Variants in CILP2 observed in about 807,000 individuals in gnomAD.
The protein encoded by CILP2 is cartilage intermediate layer protein 2, also known as CILP-2.
A neutral mutation model predicts 45.6 loss-of-function variants in CILP2; 38 were observed. The observed-to-expected ratio is 0.83, with a 90% confidence interval of 0.64 to 1.09. CILP2 has a LOEUF of 1.09. Ranked by LOEUF, CILP2 falls within the 50% of genes least tolerant of loss-of-function variation. CILP2 has a pLI of 0.00. For missense variants in CILP2, 1,735 were observed against 1,662.2 expected (o/e 1.04, Z -0.76); for synonymous variants, 780 against 723.5 (o/e 1.08, Z -1.25).
At position 19,539,730 on chromosome 19, in the gene CILP2, G is replaced by T. The variant is rs774966314; in HGVS notation, c.116G>T (p.Arg39Leu). ...PMATALGLER[R>L]SVYTGQPSPA... ...GCGACTGCACTGGGCCTGGAAAGAC[G>T]GTCCGTGTACACCGGCCAGCCCTCA... The change falls in exon 2 of 8, where the codon CGG (arginine) becomes CTG (leucine). Residue 39 changes from arginine to leucine, a missense_variant. By Grantham distance (102) the Arg-to-Leu change is moderately radical. Transcript: ENST00000291495. The T allele has an allele frequency of 6.2e-7, 1 of 1,607,152 alleles. No homozygotes were observed. Among genetic ancestry groups the T allele is most frequent in the South Asian group, 1.1e-5 (1 of 90,470 alleles).
chr19:19,540,157 G>A (rs2061238109), intron 2 of CILP2, 47 bp from the exon 3 acceptor site: 1 of 1,497,094 alleles, frequency 6.7e-7, no homozygotes. Flanking sequence ...GCATGCATGG[G>A]GGCCTACAGG....
chr19:19,546,048 TC>T lies in CILP2; in HGVS notation c.*34del. On this transcript the variant is annotated 3_prime_UTR_variant, in exon 8 of 8. Coordinates refer to ENST00000291495, the MANE Select transcript of CILP2 (RefSeq NM_153221.2). ...CAGGGGCCTCGCTTTCCCACCTCCC[TC>T]CAGACTCCTTTGACCCCAGGAAGTT... is the stretch of plus-strand genomic sequence containing the variant. The T allele has an allele frequency of 7.0e-7, 1 of 1,419,230 alleles. No individual in the cohort carries two copies. The highest frequency in any genetic ancestry group is 9.2e-7 in the Non-Finnish European group (1 of 1,088,770). The allele number at this position is 1,419,230 out of a possible 1,614,324, so 87.9% of individuals were successfully genotyped here.
At chr19:19,540,074 G>A in intron 2 of CILP2, 130 bp from the exon 3 acceptor site, 1 of 1,273,396 alleles carries the variant, frequency 7.9e-7, no homozygotes, top group Non-Finnish European at 1.0e-6. Context: ...CCGCTGGCTC[G>A]GGTCGTGGGC....
chr19:19,540,066 G>A (rs1017492262), intron 2 of CILP2, 138 bp from the exon 3 acceptor site: 96 of 1,217,770 alleles, frequency 7.9e-5, no homozygotes, highest in East Asian at 3.4e-4. Flanking sequence ...GTTTCAGGCC[G>A]CTGGCTCGGG....
Position 19,543,738 on chromosome 19 carries a change from AG to A in CILP2, c.1195del (p.Asp399ThrfsTer59). 1 of 1,612,848 alleles carries A rather than the reference AG, an allele frequency of 6.2e-7. No homozygotes were observed. Among genetic ancestry groups the A allele is most frequent in the African/African-American group, 1.3e-5 (1 of 75,014 alleles). ...CGAGAGTACCTGATCAAGCTCCCTG[AG>A]GACTGTGGTCAGCCAGGTAGTGGCC... ...RPREYLIKLP[E>X]DCGQPGSGPA... On this transcript the variant is annotated frameshift_variant, in exon 8 of 8. Transcript: ENST00000291495. LOFTEE classifies it low-confidence loss of function (END_TRUNC).
intron 3 of CILP2, 129 bp downstream of exon 3, chr19:19,540,605 C>G: frequency 9.2e-7 from 1 of 1,087,232 alleles, no homozygotes; most frequent in Non-Finnish European, 1.2e-6. Context: ...TGGGAAGAGC[C>G]GGGGGACCCT....
Position 19,542,473 on chromosome 19 carries a change from C to A in CILP2, c.691C>A (p.Arg231=), listed in dbSNP as rs1272843397. 8 of 1,613,390 alleles carry A rather than the reference C, an allele frequency of 5.0e-6. No individual in the cohort carries two copies. The highest frequency in any genetic ancestry group is 1.3e-5 in the African/African-American group (1 of 75,052). Residue 231 remains arginine, a synonymous_variant, in exon 5 of 8, where the codon CGA becomes AGA. Transcript: ENST00000291495. ...QPLLGARVSL[R]DQPGTVATSD... ...ACTGCTAGGAGCCAGGGTCTCCCTG[C>A]GAGACCAGCCTGGCACTGTGGCCAC... is the stretch of plus-strand genomic sequence containing the variant.
chr19:19,543,615 TC>T, intron 7 of CILP2, 65 bp from the exon 8 acceptor site: 1 of 1,481,312 alleles, frequency 6.8e-7, no homozygotes, highest in South Asian at 1.3e-5. Flanking sequence ...GCAGACAGAG[TC>T]CCCAGCCTTG....
At chr19:19,539,579 A>AAAGG (rs1166148035) in intron 1 of CILP2, 100 bp from the exon 2 acceptor site, 3 of 652,896 alleles carry the variant, frequency 4.6e-6, no homozygotes, top group Non-Finnish European at 6.9e-6. Flanking sequence ...AAAAAAAAAA[A>AAAGG]AGGGGGGGGA....
Position 19,545,060 on chromosome 19 carries a change from C to T in CILP2, c.2515C>T (p.Leu839=). 6.2e-7 allele frequency: 1 copy of T among 1,609,338 alleles called. No individual in the cohort carries two copies. The highest frequency in any genetic ancestry group is 1.1e-5 in the South Asian group (1 of 90,834). ...CACCGTGGGCGTCACCCAGCCCTAC[C>T]TGGACAGGCTGGGGTACCGTCGGAC... The part of the protein sequence containing the change: ...PATVGVTQPY[L]DRLGYRRTDH... The change falls in exon 8 of 8, where the codon CTG becomes TTG. Residue 839 remains leucine (L), a synonymous_variant. Transcript: ENST00000291495.
Position 19,544,759 on chromosome 19 carries a change from C to T in CILP2, c.2214C>T (p.Phe738=), listed in dbSNP as rs775866709. Residue 738 remains phenylalanine (F), a synonymous_variant, in exon 8 of 8, where the codon TTC becomes TTT. Transcript: ENST00000291495. ...ACGTGCCTGAGCGCCGCCGCTGCTT[C>T]GTGAAGGTGCGCGCCTACGCCAACG... ...NLDVPERRRC[F]VKVRAYANDK... 1.2e-6 allele frequency: 2 copies of T among 1,606,696 alleles called. No individual in the cohort carries two copies. The highest frequency in any genetic ancestry group is 2.2e-5 in the East Asian group (1 of 44,856).
intron 3 of CILP2, chr19:19,540,806 G>A (rs1186297371): frequency 2.3e-6 from 1 of 432,164 alleles, no homozygotes; most frequent in African/African-American, 2.1e-5. Context: ...GTTCTGTGGA[G>A]TGTCTTGAGC....
chr19:19,538,860 C>A (rs1368147984), intron 1 of CILP2, among the ~76,000 whole-genome samples: 1 of 152,248 alleles, frequency 6.6e-6, no homozygotes, highest in Non-Finnish European at 1.5e-5. Flanking sequence ...GACCTCATCA[C>A]TCTGCTGGGA....
Position 19,545,030 on chromosome 19 carries a change from C to G in CILP2, c.2485C>G (p.Pro829Ala). Reference protein sequence around the residue: ...EPAPSLPRPLPATVGVTQPYL... With the variant: ...EPAPSLPRPLAATVGVTQPYL... ...GGCCCCTTCCTTGCCCCGCCCACTC[C>G]CGGCCACCGTGGGCGTCACCCAGCC... The change falls in exon 8 of 8, where the codon CCG becomes GCG. Residue 829 changes from proline (P) to alanine (A), a missense_variant. Transcript: ENST00000291495. 6.2e-7 allele frequency: 1 copy of G among 1,606,870 alleles called. No individual in the cohort carries two copies. Among genetic ancestry groups the G allele is most frequent in the Non-Finnish European group, 8.5e-7 (1 of 1,178,850 alleles).
rs2061253110 is a variant in CILP2 at position 19,543,862 on chromosome 19, T to C, written c.1317T>C (p.Ser439=). The C allele has an allele frequency of 6.2e-7, 1 of 1,613,794 alleles. No homozygotes were observed. The highest frequency in any genetic ancestry group is 8.5e-7 in the Non-Finnish European group (1 of 1,179,878). Reference sequence around the variant, plus strand: ...GGGACGCCAGCTCCCGCTGCTGCTCTGTGCGCCGTCTGGAGAGAAGGGAGA... The same window carrying C: ...GGGACGCCAGCTCCCGCTGCTGCTCCGTGCGCCGTCTGGAGAGAAGGGAGA... The part of the protein sequence containing the change: ...RCGDASSRCC[S]VRRLERREIH... Residue 439 remains serine (S), a synonymous_variant, in exon 8 of 8, where the codon TCT becomes TCC. Transcript: ENST00000291495.
Position 19,540,360 on chromosome 19 carries a change from C to A in CILP2, c.320C>A (p.Ser107Tyr). The part of the protein sequence containing the change: ...EARTTDWALP[S>Y]AVGERVHLNP... ...CGCACCACGGACTGGGCCCTGCCGTCCGCCGTCGGCGAGCGCGTGCACTTG... is the reference window on the plus strand; with the variant it reads ...CGCACCACGGACTGGGCCCTGCCGTACGCCGTCGGCGAGCGCGTGCACTTG... The change falls in exon 3 of 8, where the codon TCC becomes TAC. Residue 107 changes from serine to tyrosine, a missense_variant. Physicochemically the swap from Ser to Tyr is moderately radical, Grantham distance 144 (BLOSUM62 -2). Coordinates refer to ENST00000291495, the MANE Select transcript of CILP2 (RefSeq NM_153221.2). The A allele has an allele frequency of 1.3e-6, 2 of 1,549,322 alleles. No homozygotes were observed. The highest frequency in any genetic ancestry group is 2.4e-5 in the East Asian group (1 of 41,138).
Position 19,538,274 on chromosome 19 carries a change from G to T in CILP2, c.-76G>T. ...TCCCGCCCCCACTCTCAGTCCCAGCGGCCGCCAGACCCGCCGGAGTTGGAC... is the reference window on the plus strand; with the variant it reads ...TCCCGCCCCCACTCTCAGTCCCAGCTGCCGCCAGACCCGCCGGAGTTGGAC... On this transcript the variant is annotated 5_prime_UTR_variant, in exon 1 of 8. Transcript: ENST00000291495. 7.1e-7 allele frequency: 1 copy of T among 1,399,866 alleles called. No individual in the cohort carries two copies. The highest frequency in any genetic ancestry group is 9.7e-7 in the Non-Finnish European group (1 of 1,032,350). 86.7% of individuals were successfully genotyped at this position (1,399,866 alleles called of 1,614,324 possible).
At position 19,544,604 on chromosome 19, in the gene CILP2, G is replaced by A. The variant is rs1017809906; in HGVS notation, c.2059G>A (p.Glu687Lys). Residue 687 changes from glutamate (E) to lysine (K), a missense_variant, in exon 8 of 8, where the codon GAG becomes AAG. Physicochemically the swap from Glu to Lys is moderately conservative, Grantham distance 56. Coordinates refer to ENST00000291495, the MANE Select transcript of CILP2 (RefSeq NM_153221.2). ...EALKLWSLNPETGLWEEESGF... is the reference protein window; with the variant it reads ...EALKLWSLNPKTGLWEEESGF... ...CCTCAAGCTGTGGTCGCTGAACCCC[G>A]AGACCGGCTTGTGGGAGGAGGAGAG... 1 of 1,578,276 alleles carries A rather than the reference G, an allele frequency of 6.3e-7. No individual in the cohort carries two copies. The highest frequency in any genetic ancestry group is 8.6e-7 in the Non-Finnish European group (1 of 1,168,174).
intron 1 of CILP2, among the ~76,000 whole-genome samples, chr19:19,539,328 C>A (rs1390587515): frequency 7.2e-5 from 11 of 152,074 alleles, no homozygotes; most frequent in Admixed American, 7.2e-4. Context: ...CTTTGGGAGG[C>A]CGAGGCGGGC....
Sources: allele counts gnomAD v4.1 joint callset (sites outside exome capture counted in the v4.1 genomes callset), GRCh38; gene constraint gnomAD v4.1.1; transcripts MANE v1.5; gene names NCBI Gene and HGNC (gene_info 2026-07-23, HGNC 2026-07-21).